The following NPNT variants were observed in gnomAD, a reference collection of about 807,000 sequenced individuals.
NPNT encodes the protein nephronectin, also known as preosteoblast EGF-like repeat protein with MAM domain.
Under a neutral mutation model 68.6 loss-of-function variants are expected in NPNT, and 45 were observed. The ratio of observed to expected loss-of-function variants is 0.66; its 90% CI spans 0.52 to 0.84. The LOEUF is 0.84. Among genes scored for constraint, NPNT ranks in the 40% least tolerant of loss-of-function variants. The probability of loss-of-function intolerance (pLI) is 0.00; values close to 1 mark genes in which losing one functional copy is unlikely to be tolerated. For missense variants in NPNT, 672 were observed against 714.8 expected (o/e 0.94, Z 0.68); for synonymous variants, 233 against 253.3 (o/e 0.92, Z 0.76).
chr4:105,950,489 T>G (rs4699204), intron 8 of NPNT, among the ~76,000 whole-genome samples: 137,322 of 151,880 alleles, frequency 0.9, 62,320 homozygotes, highest in East Asian at 1. Flanking sequence ...GGCTCACTCT[T>G]TTACCCAGAC....
intron 2 of NPNT, among the ~76,000 whole-genome samples, chr4:105,907,009 T>C (rs1726953705): frequency 6.6e-6 from 1 of 152,198 alleles, no homozygotes; most frequent in Non-Finnish European, 1.5e-5. Flanking sequence ...CCCTGACCAG[T>C]GCTTATTTCC....
chr4:105,947,293 G>A (rs1406877732), intron 8 of NPNT, among the ~76,000 whole-genome samples: 1 of 152,146 alleles, frequency 6.6e-6, no homozygotes, highest in African/African-American at 2.4e-5. Context: ...AATTTGTACA[G>A]TTAACACAAT....
chr4:105,962,973 C>T (rs1248481499), intron 10 of NPNT, among the ~76,000 whole-genome samples: 1 of 151,924 alleles, frequency 6.6e-6, no homozygotes, highest in African/African-American at 2.4e-5. Flanking sequence ...CCCTGTAATC[C>T]CAGCACTTTG....
intron 2 of NPNT, among the ~76,000 whole-genome samples, chr4:105,914,429 ATT>A (rs1159243663): frequency 7.2e-6 from 1 of 138,876 alleles, no homozygotes; most frequent in African/African-American, 2.7e-5. Flanking sequence ...TAATATATAT[ATT>A]ATATAAATAT....
At chr4:105,925,216 T>C (rs1728595668) in intron 2 of NPNT, among the ~76,000 whole-genome samples, 1 of 152,180 alleles carries the variant, frequency 6.6e-6, no homozygotes, top group Non-Finnish European at 1.5e-5. Context: ...ACACAATTGT[T>C]TCCCTTTGAA....
intron 3 of NPNT, among the ~76,000 whole-genome samples, chr4:105,936,600 A>G (rs1198565977): frequency 6.6e-6 from 1 of 152,262 alleles, no homozygotes; most frequent in African/African-American, 2.4e-5. Flanking sequence ...AGAAAGGAAG[A>G]CATTGAACGA....
chr4:105,956,398 T>G (rs1414235098), intron 8 of NPNT, among the ~76,000 whole-genome samples: 2 of 151,944 alleles, frequency 1.3e-5, no homozygotes, highest in African/African-American at 4.8e-5. Context: ...TCCCTTTTTA[T>G]AAAACAGGCT....
chr4:105,895,952 C>A (rs1338115862), intron 1 of NPNT: 1 of 544,782 alleles, frequency 1.8e-6, no homozygotes, highest in Non-Finnish European at 3.3e-6. Flanking sequence ...CGCGGCCCCC[C>A]GAGGGCGACT....
At chr4:105,910,986 G>T (rs1043999919) in intron 2 of NPNT, among the ~76,000 whole-genome samples, 1 of 151,916 alleles carries the variant, frequency 6.6e-6, no homozygotes, top group Admixed American at 6.6e-5. Flanking sequence ...CTCAAAATTG[G>T]CAATTAAAGA....
chr4:105,935,910 T>C lies in NPNT; in HGVS notation c.266-1099T>C, dbSNP rs1035896206. On this transcript the variant is annotated intron_variant, in intron 3 of 11. Transcript: ENST00000379987. ...AATAGATTAGATTTGAAAACAATTTTGTCACTAGACATATTATCTATATTT... is the reference window on the plus strand; with the variant it reads ...AATAGATTAGATTTGAAAACAATTTCGTCACTAGACATATTATCTATATTT... Among the ~76,000 whole-genome samples, 5 of 152,224 alleles carry C rather than the reference T, an allele frequency of 3.3e-5. 1 individual carries two copies. In the East Asian group the frequency reaches 9.6e-4, roughly 29 times the overall value.
At chr4:105,947,528 T>C (rs767473681) in intron 8 of NPNT, among the ~76,000 whole-genome samples, 3 of 152,146 alleles carry the variant, frequency 2.0e-5, no homozygotes, top group Non-Finnish European at 2.9e-5. Context: ...CATTTTTCCT[T>C]ATATTTAACC....
chr4:105,913,980 A>G (rs914423247), intron 2 of NPNT, among the ~76,000 whole-genome samples: 2 of 152,142 alleles, frequency 1.3e-5, no homozygotes, highest in African/African-American at 4.8e-5. Flanking sequence ...TACTAGAGGT[A>G]AAGAGCTAAG....
Position 105,959,064 on chromosome 4 carries a change from T to C in NPNT, c.1283T>C (p.Leu428Pro). ...CACAGTTGTAATTTTGACCATGGAC[T>C]TTGTGGATGGATCAGGGAGAAAGAC... The part of the protein sequence containing the change: ...LVHSCNFDHG[L>P]CGWIREKDND... The change falls in exon 10 of 12, where the codon CTT becomes CCT. Residue 428 changes from leucine to proline, a missense_variant. Leu to Pro is a moderately conservative substitution (Grantham distance 98). Coordinates refer to ENST00000379987, the MANE Select transcript of NPNT (RefSeq NM_001033047.3). 1 of 1,613,444 alleles carries C rather than the reference T, an allele frequency of 6.2e-7. No homozygotes were observed. Among genetic ancestry groups the C allele is most frequent in the Admixed American group, 1.7e-5 (1 of 60,020 alleles).
intron 2 of NPNT, among the ~76,000 whole-genome samples, chr4:105,919,567 T>G (rs1728082482): frequency 6.6e-6 from 1 of 152,142 alleles, no homozygotes; most frequent in Non-Finnish European, 1.5e-5. Context: ...TTTAATTGCT[T>G]TAAAACAATT....
intron 8 of NPNT, among the ~76,000 whole-genome samples, chr4:105,956,040 G>C (rs1445670298): frequency 6.6e-6 from 1 of 151,654 alleles, no homozygotes; most frequent in Non-Finnish European, 1.5e-5. Flanking sequence ...TAAATTAAAT[G>C]GTTCTTAGAA....
chr4:105,921,105 A>G (rs1403760793), intron 2 of NPNT, among the ~76,000 whole-genome samples: 1 of 152,162 alleles, frequency 6.6e-6, no homozygotes, highest in Admixed American at 6.6e-5. Context: ...CTTAACTGCA[A>G]CTTTTCGCTC....
intron 4 of NPNT, 47 bp downstream of exon 4, chr4:105,937,175 C>G (rs756349127): frequency 1.9e-6 from 3 of 1,600,528 alleles, no homozygotes; most frequent in Non-Finnish European, 1.7e-6. Flanking sequence ...GGGCTTGTTT[C>G]TGTTGTGCTC....
intron 2 of NPNT, among the ~76,000 whole-genome samples, chr4:105,898,363 TCTCTCTCTCTCTCTCTC>T (rs1560881981): frequency 2.7e-4 from 39 of 143,488 alleles, no homozygotes; most frequent in African/African-American, 7.1e-4. Flanking sequence ...TCTCTCTCTC[TCTCTCTCTCTCTCTCTC>T]GCTGACTCGC....
intron 2 of NPNT, among the ~76,000 whole-genome samples, chr4:105,898,312 GTCTCTCTCTCTCTCTGTCTCTCTCTCTC>G (rs1157895751): frequency 0.011 from 418 of 39,140 alleles, 1 homozygote; most frequent in African/African-American, 0.04. Flanking sequence ...CTCTCTCTCT[GTCTCTCTCTCTCTCTGTCTCTCTCTCTC>G]TCTCTCTCTC....
Sources: allele counts gnomAD v4.1 joint callset (sites outside exome capture counted in the v4.1 genomes callset), GRCh38; gene constraint gnomAD v4.1.1; transcripts MANE v1.5; gene names NCBI Gene and HGNC (gene_info 2026-07-23, HGNC 2026-07-21).